MDM4: variants seen among roughly 807,000 people sequenced by gnomAD.
MDM4 encodes protein Mdm4.
A neutral mutation model predicts 60.2 loss-of-function variants in MDM4; 2 were observed. The observed-to-expected ratio is 0.03, with a 90% CI of 0.01 to 0.10. MDM4 has a LOEUF of 0.10. Among genes scored for constraint, MDM4 ranks in the 10% least tolerant of loss-of-function variants. The pLI, the probability that MDM4 is intolerant of heterozygous loss-of-function variation, is 1.00. For synonymous variants in MDM4, 202 were observed against 198.1 expected (o/e 1.02, Z -0.17); for missense variants, 447 against 577.5 (o/e 0.77, Z 2.32).
rs1025306178 is a variant in MDM4 at position 204,525,445 on chromosome 1, G to C, written c.-35-39G>C. ...GTGAATGCTAAATAGGGAATTTTCT[G>C]CATTAGAATAGATGTTATAAATTTT... On this transcript the variant is annotated intron_variant, in intron 1 of 10. Transcript: ENST00000367182. 9.1e-6 allele frequency: 14 copies of C among 1,538,446 alleles called. No homozygotes were observed. In the African/African-American group the frequency reaches 1.8e-4, roughly 20 times the overall value.
At chr1:204,538,763 C>T (rs1402998564) in intron 7 of MDM4, among the ~76,000 whole-genome samples, 1 of 150,350 alleles carries the variant, frequency 6.7e-6, no homozygotes, top group Non-Finnish European at 1.5e-5. Context: ...TGGAGTGCAG[C>T]AGTGCGATCT....
At chr1:204,538,790 C>T (rs1661692622) in intron 7 of MDM4, among the ~76,000 whole-genome samples, 1 of 151,478 alleles carries the variant, frequency 6.6e-6, no homozygotes, top group African/African-American at 2.4e-5. Flanking sequence ...ACTGCGACCT[C>T]CACCTCCTTG....
rs1488866118 is a variant in MDM4, at chr1:204,553,412, T to G, written c.*3730T>G. 4.4e-6 allele frequency: 1 copy of G among 225,970 alleles called. No homozygotes were observed. The highest frequency in any genetic ancestry group is 5.7e-5 in the Admixed American group (1 of 17,554). 14.0% of individuals were successfully genotyped at this position (225,970 alleles called of 1,614,324 possible). A position where few individuals can be genotyped will look rare whatever the true frequency, so the allele number is the denominator to read the frequency against. On this transcript the variant is annotated 3_prime_UTR_variant, in exon 11 of 11. Coordinates refer to ENST00000367182, the MANE Select transcript of MDM4 (RefSeq NM_002393.5). ...TGCTCCCATTTTTCTGCATCCCACC[T>G]GGTTTCTTTCTGCATGTCCCCTTTC...
At chr1:204,518,104 C>T (rs769968778) in intron 1 of MDM4, among the ~76,000 whole-genome samples, 1 of 152,130 alleles carries the variant, frequency 6.6e-6, no homozygotes, top group Non-Finnish European at 1.5e-5. Flanking sequence ...TGCAGCAAGC[C>T]GGGATGGAGC....
intron 10 of MDM4, 109 bp downstream of exon 10, chr1:204,546,986 C>T: frequency 1.7e-6 from 1 of 593,498 alleles, no homozygotes. Context: ...TTTCTGTCTC[C>T]CTTGCCTAGT....
chr1:204,526,831 A>T (rs1558314298), intron 3 of MDM4, among the ~76,000 whole-genome samples: 1 of 152,200 alleles, frequency 6.6e-6, no homozygotes. Context: ...ATCAGGCCTA[A>T]GAAAGGAAGT....
chr1:204,537,814 G>A (rs1464542220), intron 6 of MDM4: 1 of 635,344 alleles, frequency 1.6e-6, no homozygotes, highest in Non-Finnish European at 3.0e-6. Context: ...GCGTGTTGCA[G>A]TTAAGTTCAT....
At chr1:204,525,382 T>A in intron 1 of MDM4, 102 bp from the exon 2 acceptor site, 2 of 1,439,176 alleles carry the variant, frequency 1.4e-6, no homozygotes, top group Non-Finnish European at 1.8e-6. Flanking sequence ...CCATTATATG[T>A]GTCATATGTG....
chr1:204,547,736 T>A (rs1423023353), intron 10 of MDM4, among the ~76,000 whole-genome samples: 2 of 152,220 alleles, frequency 1.3e-5, no homozygotes, highest in Non-Finnish European at 2.9e-5. Flanking sequence ...TCCATCTGTT[T>A]TTTTGAGATG....
chr1:204,543,428 C>G (rs1662334837), intron 8 of MDM4, among the ~76,000 whole-genome samples: 2 of 152,226 alleles, frequency 1.3e-5, no homozygotes, highest in African/African-American at 2.4e-5. Flanking sequence ...CACTTCCTGT[C>G]ATTCTTCTTT....
chr1:204,543,511 G>T (rs1434262123), intron 8 of MDM4, among the ~76,000 whole-genome samples: 1 of 152,102 alleles, frequency 6.6e-6, no homozygotes, highest in Non-Finnish European at 1.5e-5. Flanking sequence ...CCTTCCTCAG[G>T]CACCTTAAGT....
intron 8 of MDM4, among the ~76,000 whole-genome samples, chr1:204,544,147 G>A (rs1156835444): frequency 1.3e-5 from 2 of 152,164 alleles, no homozygotes; most frequent in African/African-American, 4.8e-5. Flanking sequence ...ACCATTTTAA[G>A]GGAAAGAATA....
In MDM4 at chr1:204,537,512, C is replaced by G; in HGVS notation, c.411+15C>G. Reference sequence around the variant, plus strand: ...ACCAACTGAAGGTAAAATCACCACACGGTGACTTCTTTTGTTGTACAGAGT... The same window carrying G: ...ACCAACTGAAGGTAAAATCACCACAGGGTGACTTCTTTTGTTGTACAGAGT... On this transcript the variant is annotated intron_variant, in intron 6 of 10. Transcript: ENST00000367182. The G allele has an allele frequency of 3.2e-6, 5 of 1,586,520 alleles. No homozygotes were observed. The highest frequency in any genetic ancestry group is 4.3e-6 in the Non-Finnish European group (5 of 1,154,828).
intron 7 of MDM4, among the ~76,000 whole-genome samples, chr1:204,539,206 G>A (rs561786343): frequency 2.6e-5 from 4 of 151,854 alleles, no homozygotes; most frequent in African/African-American, 9.7e-5. Context: ...GGCTGGTCTC[G>A]AACTACTGGC....
intron 10 of MDM4, among the ~76,000 whole-genome samples, chr1:204,548,888 G>C (rs1051680003): frequency 6.6e-6 from 1 of 151,998 alleles, no homozygotes; most frequent in African/African-American, 2.4e-5. Flanking sequence ...CTTTCTTAAA[G>C]ATAACTATAT....
chr1:204,533,891 T>A (rs1159098084), intron 5 of MDM4, among the ~76,000 whole-genome samples: 1 of 152,068 alleles, frequency 6.6e-6, no homozygotes. Flanking sequence ...TAACTCATCT[T>A]CCTGTCTCAG....
rs111370101 is a variant in MDM4, at chr1:204,549,202, T to C, written c.993T>C (p.Tyr331=). 6.2e-7 allele frequency: 1 copy of C among 1,613,886 alleles called. No individual in the cohort carries two copies. The highest frequency in any genetic ancestry group is 8.5e-7 in the Non-Finnish European group (1 of 1,179,740). Residue 331 remains tyrosine (Y), a synonymous_variant, in exon 11 of 11, where the codon TAT becomes TAC. Transcript: ENST00000367182. ...FRCWALRKDW[Y]SDCSKLTHSL... is the part of the protein sequence containing the mutation. ...GTTGGGCCTTGAGGAAGGATTGGTATTCAGATTGTTCAAAGTTAACCCATT... is the reference window on the plus strand; with the variant it reads ...GTTGGGCCTTGAGGAAGGATTGGTACTCAGATTGTTCAAAGTTAACCCATT...
rs1006495148 is a variant in MDM4, at chr1:204,554,111, GTCAAT to G, written c.*4435_*4439del. The G allele has an allele frequency of 8.7e-6, 2 of 229,242 alleles. No homozygotes were observed. Among genetic ancestry groups the G allele is most frequent in the Admixed American group, 1.1e-4 (2 of 17,660 alleles). 14.2% of individuals were successfully genotyped at this position (229,242 alleles called of 1,614,324 possible). A position where few individuals can be genotyped will look rare whatever the true frequency, so the allele number is the denominator to read the frequency against. Reference sequence around the variant, plus strand: ...AGGTCATTTGTAACATTTTGTGTGTGTCAATTCAATGCAATGTTGGCTGCCTTTTG... The same window carrying G: ...AGGTCATTTGTAACATTTTGTGTGTGTCAATGCAATGTTGGCTGCCTTTTG... On this transcript the variant is annotated 3_prime_UTR_variant, in exon 11 of 11. Coordinates refer to ENST00000367182, the MANE Select transcript of MDM4 (RefSeq NM_002393.5).
At position 204,538,275 on chromosome 1, in the gene MDM4, A is replaced by G. The variant is rs562881470; in HGVS notation, c.478A>G (p.Thr160Ala). Reference protein sequence around the residue: ...TTEDDIPTLPTSEHKCIHSRE... With the variant: ...TTEDDIPTLPASEHKCIHSRE... Reference sequence around the variant, plus strand: ...AGAAGACGATATCCCCACACTGCCTACCTCAGAGCATAAATGCATACATTC... The same window carrying G: ...AGAAGACGATATCCCCACACTGCCTGCCTCAGAGCATAAATGCATACATTC... Residue 160 changes from threonine to alanine, a missense_variant, in exon 7 of 11, where the codon ACC becomes GCC. Physicochemically the swap from Thr to Ala is moderately conservative, Grantham distance 58. Transcript: ENST00000367182. 2 of 1,606,374 alleles carry G rather than the reference A, an allele frequency of 1.2e-6. No individual in the cohort carries two copies. Among genetic ancestry groups the G allele is most frequent in the Non-Finnish European group, 1.7e-6 (2 of 1,173,074 alleles).
Sources: gnomAD v4.1 joint callset for allele counts (sites outside exome capture counted in the v4.1 genomes callset) on GRCh38, gnomAD v4.1.1 for gene constraint, MANE v1.5 for transcripts, NCBI Gene and HGNC (gene_info 2026-07-23, HGNC 2026-07-21) for gene names.